RNF169: variants seen among roughly 807,000 people sequenced by gnomAD.
RNF169 encodes the protein E3 ubiquitin-protein ligase RNF169.
RNF169 carries 24 observed loss-of-function variants against 53.9 expected under a neutral mutation model. The ratio of observed to expected loss-of-function variants is 0.45; its 90% CI spans 0.32 to 0.63. The LOEUF is 0.63. Ranked by LOEUF, RNF169 falls within the 20% of genes least tolerant of loss-of-function variation. The pLI is 0.04. For missense variants in RNF169, 883 were observed against 906.2 expected (o/e 0.97, Z 0.33); for synonymous variants, 396 against 363.5 (o/e 1.09, Z -1.02).
At chr11:74,834,628 A>T in intron 4 of RNF169, 48 bp from the exon 5 acceptor site, 1 of 1,387,364 alleles carries the variant, frequency 7.2e-7, no homozygotes, top group Non-Finnish European at 1.0e-6. Flanking sequence ...TTCCTTACCT[A>T]TATATGGACT....
At chr11:74,826,212 G>A (rs561342747) in intron 4 of RNF169, among the ~76,000 whole-genome samples, 17 of 152,312 alleles carry the variant, frequency 1.1e-4, no homozygotes, top group South Asian at 1.0e-3. Flanking sequence ...TGTAATCCCA[G>A]CTACTCCAGA....
chr11:74,811,843 A>G (rs1405251114), intron 3 of RNF169, among the ~76,000 whole-genome samples: 1 of 152,154 alleles, frequency 6.6e-6, no homozygotes, highest in Admixed American at 6.5e-5. Context: ...AAGCTCTATG[A>G]TGGTCTCGTG....
chr11:74,838,966 A>G lies in RNF169; in HGVS notation c.*2236A>G. On this transcript the variant is annotated 3_prime_UTR_variant, in exon 6 of 6. Transcript: ENST00000299563. ...CTATATCTCCAGTAATTTGAAAAAC[A>G]CTTTTCAGTTGGAATTGATTTTTGT... 6.6e-6 allele frequency: 1 copy of G among 152,350 alleles called. No individual in the cohort carries two copies. The highest frequency in any genetic ancestry group is 2.1e-4 in the South Asian group (1 of 4,830). 9.4% of individuals were successfully genotyped at this position (152,350 alleles called of 1,614,324 possible).
intron 1 of RNF169, among the ~76,000 whole-genome samples, chr11:74,782,555 G>A (rs1376525399): frequency 6.6e-6 from 1 of 152,142 alleles, no homozygotes; most frequent in Non-Finnish European, 1.5e-5. Flanking sequence ...ACCAGTCAGT[G>A]GAAAAACTGT....
chr11:74,835,797 T>C lies in RNF169; in HGVS notation c.1194T>C (p.Asp398=). Residue 398 remains aspartate (D), a synonymous_variant, in exon 6 of 6, where the codon GAT becomes GAC. Coordinates refer to ENST00000299563, the MANE Select transcript of RNF169 (RefSeq NM_001098638.2). ...SPCTPPKRLP[D]GRVLSPLIIK... ...GTACTCCTCCCAAGAGACTCCCTGA[T>C]GGCCGTGTGCTAAGTCCTCTCATCA... is the stretch of plus-strand genomic sequence containing the variant. The C allele has an allele frequency of 1.9e-6, 3 of 1,614,220 alleles. No individual in the cohort carries two copies. Among genetic ancestry groups the C allele is most frequent in the Non-Finnish European group, 2.5e-6 (3 of 1,180,036 alleles).
In RNF169 at chr11:74,840,645, T is replaced by C. The variant is rs1185243428; in HGVS notation, c.*3915T>C. The C allele has an allele frequency of 6.6e-6, 1 of 152,198 alleles. No homozygotes were observed. The highest frequency in any genetic ancestry group is 2.1e-4 in the South Asian group (1 of 4,824). 9.4% of individuals were successfully genotyped at this position (152,198 alleles called of 1,614,324 possible). A position where few individuals can be genotyped will look rare whatever the true frequency, so the allele number is the denominator to read the frequency against. ...GCAGCAACTTGGGATTCCTTTCCTT[T>C]TTCCTGCCTAACTTTTCATTGAAAT... On this transcript the variant is annotated 3_prime_UTR_variant, in exon 6 of 6. Transcript: ENST00000299563.
intron 2 of RNF169, among the ~76,000 whole-genome samples, chr11:74,790,335 C>T (rs1226066683): frequency 6.6e-5 from 10 of 152,224 alleles, no homozygotes; most frequent in Non-Finnish European, 5.9e-5. Context: ...ATTCCTCACT[C>T]AGCTTTATAA....
At chr11:74,752,228 TAAAAAAAA>T (rs11325931) in intron 1 of RNF169, among the ~76,000 whole-genome samples, 11 of 78,742 alleles carry the variant, frequency 1.4e-4, no homozygotes, top group African/African-American at 4.0e-4. Flanking sequence ...GAGACTGTCT[TAAAAAAAA>T]AAAAAAAAAA....
At chr11:74,790,886 G>A (rs1039911094) in intron 2 of RNF169, among the ~76,000 whole-genome samples, 1 of 152,374 alleles carries the variant, frequency 6.6e-6, no homozygotes, top group South Asian at 2.1e-4. Context: ...TGGGCTCCCT[G>A]AAGGGCTGCA....
chr11:74,825,108 A>G (rs2036074993), intron 4 of RNF169, among the ~76,000 whole-genome samples: 1 of 152,202 alleles, frequency 6.6e-6, no homozygotes. Context: ...TACAAAAGAC[A>G]AAGAAATACA....
At chr11:74,761,671 C>T (rs1196898263) in intron 1 of RNF169, among the ~76,000 whole-genome samples, 8 of 152,260 alleles carry the variant, frequency 5.3e-5, no homozygotes, top group South Asian at 2.1e-4. Flanking sequence ...GGGTTTCTGC[C>T]GAGAGATCCG....
chr11:74,770,140 C>A (rs1169069482), intron 1 of RNF169, among the ~76,000 whole-genome samples: 1 of 152,094 alleles, frequency 6.6e-6, no homozygotes, highest in African/African-American at 2.4e-5. Flanking sequence ...AAATAGAGTG[C>A]ATGAAAAAGG....
intron 2 of RNF169, among the ~76,000 whole-genome samples, chr11:74,796,413 T>G (rs1326287478): frequency 1.3e-5 from 2 of 152,212 alleles, no homozygotes; most frequent in Non-Finnish European, 2.9e-5. Context: ...ATTACTTCAG[T>G]ATTGATATCT....
chr11:74,765,962 C>G (rs771863754), intron 1 of RNF169, among the ~76,000 whole-genome samples: 6 of 151,908 alleles, frequency 3.9e-5, no homozygotes, highest in Non-Finnish European at 8.8e-5. Context: ...AAAGAATTAG[C>G]AAGGCCAAAA....
At chr11:74,775,277 A>G (rs189777137) in intron 1 of RNF169, among the ~76,000 whole-genome samples, 1 of 152,338 alleles carries the variant, frequency 6.6e-6, no homozygotes, top group Admixed American at 6.5e-5. Flanking sequence ...TTGATCTTAT[A>G]CATTAATAGG....
chr11:74,753,950 T>G (rs971395381), intron 1 of RNF169, among the ~76,000 whole-genome samples: 1 of 152,224 alleles, frequency 6.6e-6, no homozygotes, highest in African/African-American at 2.4e-5. Flanking sequence ...TATCAGTTTT[T>G]GTTGATTTGT....
intron 1 of RNF169, among the ~76,000 whole-genome samples, chr11:74,769,492 TA>T (rs2035227571): frequency 6.6e-6 from 1 of 152,182 alleles, no homozygotes; most frequent in Non-Finnish European, 1.5e-5. Flanking sequence ...GTGTGTGCCA[TA>T]GTGAAACTCT....
intron 3 of RNF169, among the ~76,000 whole-genome samples, chr11:74,815,260 TGAAAG>T (rs1742261089): frequency 6.6e-6 from 1 of 152,156 alleles, no homozygotes; most frequent in African/African-American, 2.4e-5. Flanking sequence ...TTGCAATAAT[TGAAAG>T]GAACTTGGCG....
At chr11:74,786,540 G>A (rs2035506822) in intron 1 of RNF169, among the ~76,000 whole-genome samples, 1 of 152,066 alleles carries the variant, frequency 6.6e-6, no homozygotes, top group African/African-American at 2.4e-5. Context: ...TGGAATTATA[G>A]GCATGAGCCA....
Sources: gnomAD v4.1 joint callset for allele counts (sites outside exome capture counted in the v4.1 genomes callset) on GRCh38, gnomAD v4.1.1 for gene constraint, MANE v1.5 for transcripts, NCBI Gene and HGNC (gene_info 2026-07-23, HGNC 2026-07-21) for gene names.